BTG4: variants seen among roughly 807,000 people sequenced by gnomAD.
BTG4 encodes the protein BTG anti-proliferation factor 4, also known as protein BTG4.
BTG4 carries 10 observed loss-of-function variants against 19.3 expected under a neutral mutation model. The observed-to-expected ratio is 0.52, with a 90% CI of 0.32 to 0.88. BTG4 has a LOEUF of 0.88. BTG4 is among the 40% of genes least tolerant of loss of function. The probability of loss-of-function intolerance (pLI) is 0.04; values close to 1 mark genes in which losing one functional copy is unlikely to be tolerated. For synonymous variants in BTG4, 91 were observed against 95.7 expected (o/e 0.95, Z 0.29); for missense variants, 238 against 281.9 (o/e 0.84, Z 1.11).
At chr11:111,510,619 AC>A (rs746720757) in intron 1 of BTG4, among the ~76,000 whole-genome samples, 12 of 151,116 alleles carry the variant, frequency 7.9e-5, no homozygotes, top group Admixed American at 2.0e-4. Flanking sequence ...ATCAACAGCA[AC>A]CCTAAGAACA....
At chr11:111,503,994 A>G (rs1240173720) in intron 1 of BTG4, among the ~76,000 whole-genome samples, 3 of 152,146 alleles carry the variant, frequency 2.0e-5, no homozygotes, top group African/African-American at 7.2e-5. Flanking sequence ...TATCATCTGA[A>G]TTGAATGTTA....
chr11:111,441,194 A>G, the BTG4 span, among the ~76,000 whole-genome samples: 1 of 151,998 alleles, frequency 6.6e-6, no homozygotes, highest in Non-Finnish European at 1.5e-5. Context: ...GAAGAATACA[A>G]TAATAAACAC....
downstream of BTG4, among the ~76,000 whole-genome samples, chr11:111,492,452 A>G (rs1324828425): frequency 2.0e-5 from 3 of 152,204 alleles, no homozygotes; most frequent in Admixed American, 1.3e-4. Flanking sequence ...TTAGTTCTCC[A>G]TGCCCAGCCT....
chr11:111,456,750 G>T, the BTG4 span: 1 of 319,096 alleles, frequency 3.1e-6, no homozygotes, highest in African/African-American at 2.1e-5. This position sits in a 1 kb window ranked among gnomAD's most constrained non-coding sequence, Gnocchi z 4.2. Flanking sequence ...GTGAGCCCCT[G>T]GCCCACTGAC....
chr11:111,414,819 A>T, the BTG4 span: 1 of 152,264 alleles, frequency 6.6e-6, no homozygotes, highest in Non-Finnish European at 1.5e-5. Context: ...ACTGATTTGC[A>T]TGGGCAGCCA....
At chr11:111,416,439 C>CT in the BTG4 span, 2 of 152,004 alleles carry the variant, frequency 1.3e-5, no homozygotes, top group African/African-American at 4.8e-5. Flanking sequence ...GCATACACAC[C>CT]CCAGACCTCA....
At chr11:111,446,579 T>C in the BTG4 span, among the ~76,000 whole-genome samples, 2 of 151,954 alleles carry the variant, frequency 1.3e-5, no homozygotes, top group Non-Finnish European at 2.9e-5. Flanking sequence ...ACACAGATGC[T>C]AATCTTACTT....
At chr11:111,459,303 TAC>T in the BTG4 span, among the ~76,000 whole-genome samples, 22 of 152,294 alleles carry the variant, frequency 1.4e-4, no homozygotes, top group Non-Finnish European at 2.6e-4. Flanking sequence ...ATATAACTTC[TAC>T]AGAGTCCTGA....
chr11:111,449,746 G>A, the BTG4 span: 11 of 152,334 alleles, frequency 7.2e-5, no homozygotes, highest in Admixed American at 2.0e-4. Context: ...CCATGGACAT[G>A]ACCCAAGCCC....
At chr11:111,489,874 T>C (rs973599860), downstream of BTG4, among the ~76,000 whole-genome samples, 3 of 151,422 alleles carry the variant, frequency 2.0e-5, no homozygotes, top group Admixed American at 2.0e-4. Context: ...GTTGGGTGAG[T>C]GGGGATTGTT....
At chr11:111,435,492 G>A in the BTG4 span, among the ~76,000 whole-genome samples, 9 of 152,302 alleles carry the variant, frequency 5.9e-5, no homozygotes, top group Admixed American at 3.3e-4. Context: ...AAAGCATACC[G>A]CTCAGGGTTT....
rs1229784025 is a variant in BTG4 at position 111,497,379 on chromosome 11, A to T, written c.342T>A (p.Val114=). The T allele has an allele frequency of 2.2e-6, 3 of 1,391,256 alleles. No individual in the cohort carries two copies. The highest frequency in any genetic ancestry group is 2.8e-6 in the Non-Finnish European group (3 of 1,067,260). 86.2% of individuals were successfully genotyped at this position (1,391,256 alleles called of 1,614,324 possible). A position where few individuals can be genotyped will look rare whatever the true frequency, so the allele number is the denominator to read the frequency against. The change falls in exon 4 of 5, where the codon GTT becomes GTA. Residue 114 remains valine (V), a synonymous_variant. Transcript: ENST00000692032. ...CCTCCCATCTGCCTTTAAAAGAAGC[A>T]ACTGTAAATGGATGGTTTTTCTCAC... is the stretch of plus-strand genomic sequence containing the variant. ...RYGEKNHPFT[V]ASFKGRWEEW...
At chr11:111,434,499 A>T in the BTG4 span, among the ~76,000 whole-genome samples, 1 of 152,170 alleles carries the variant, frequency 6.6e-6, no homozygotes, top group Non-Finnish European at 1.5e-5. Flanking sequence ...ATACCTATGT[A>T]ACAAACCTGC....
chr11:111,508,798 TCTATTA>T (rs1403333487), intron 1 of BTG4, among the ~76,000 whole-genome samples: 4 of 149,712 alleles, frequency 2.7e-5, no homozygotes, highest in Non-Finnish European at 4.4e-5. Flanking sequence ...GAATTCTTAA[TCTATTA>T]CTATAAGTTA....
chr11:111,511,341 C>A (rs1007796602), intron 1 of BTG4, among the ~76,000 whole-genome samples: 4 of 152,178 alleles, frequency 2.6e-5, no homozygotes, highest in African/African-American at 9.7e-5. Context: ...ATTCAAACAT[C>A]CTTGGGCAGT....
the BTG4 span, among the ~76,000 whole-genome samples, chr11:111,403,574 T>C: frequency 6.6e-6 from 1 of 152,212 alleles, no homozygotes; most frequent in Non-Finnish European, 1.5e-5. Flanking sequence ...TCTCTTCCAC[T>C]ATGGGGCCTA....
intron 1 of BTG4, among the ~76,000 whole-genome samples, chr11:111,506,013 C>G (rs893925255): frequency 6.6e-6 from 1 of 151,994 alleles, no homozygotes; most frequent in African/African-American, 2.4e-5. Flanking sequence ...GGAATACTCA[C>G]ACACTGTTGG....
downstream of BTG4, among the ~76,000 whole-genome samples, chr11:111,493,572 G>A (rs1865547183): frequency 6.6e-6 from 1 of 152,142 alleles, no homozygotes; most frequent in Non-Finnish European, 1.5e-5. Context: ...CACACGTATG[G>A]AGGCTGGCAA....
At chr11:111,443,573 C>G in the BTG4 span, among the ~76,000 whole-genome samples, 1 of 151,944 alleles carries the variant, frequency 6.6e-6, no homozygotes, top group Admixed American at 6.6e-5. Flanking sequence ...GAAAAACTTA[C>G]ATAACTTAAA....
Sources: allele counts gnomAD v4.1 joint callset (sites outside exome capture counted in the v4.1 genomes callset), GRCh38; gene constraint gnomAD v4.1.1; non-coding constraint Gnocchi (gnomAD v3.1); transcripts MANE v1.5; gene names NCBI Gene and HGNC (gene_info 2026-07-23, HGNC 2026-07-21).